Variants in MOV10L1 observed in about 807,000 individuals in gnomAD.
The protein encoded by MOV10L1 is Mov10 like RNA helicase 1, also known as RNA helicase Mov10l1.
In MOV10L1, 110 loss-of-function variants were observed where a neutral mutation model predicts 143.8. The ratio of observed to expected loss-of-function variants is 0.76; its 90% CI spans 0.66 to 0.90. The LOEUF is 0.90. Ranked by LOEUF, MOV10L1 falls within the 40% of genes least tolerant of loss-of-function variation. The pLI, the probability that MOV10L1 is intolerant of heterozygous loss-of-function variation, is 0.00. For missense variants in MOV10L1, 1,406 were observed against 1,526.8 expected (o/e 0.92, Z 1.32); for synonymous variants, 593 against 581.1 (o/e 1.02, Z -0.29).
In MOV10L1 at chr22:50,152,216, T is replaced by A. The variant is rs1430443154; in HGVS notation, c.2893-829T>A. 6.6e-6 allele frequency among the ~76,000 whole-genome samples: 1 copy of A among 152,198 alleles called. No individual in the cohort carries two copies. Among genetic ancestry groups the A allele is most frequent in the Non-Finnish European group, 1.5e-5 (1 of 68,026 alleles). On this transcript the variant is annotated intron_variant, in intron 21 of 26. Coordinates refer to ENST00000262794, the MANE Select transcript of MOV10L1 (RefSeq NM_018995.3). The surrounding 1 kb of genome is among the most constrained non-coding windows in gnomAD (Gnocchi z 4.4). ...ATCCCAAGGAGGGAGAGCCCTAGGC[T>A]TGTTCTCCCCAGCAGTGTCTCCCCG...
intron 9 of MOV10L1, among the ~76,000 whole-genome samples, chr22:50,117,709 G>A (rs1398456784): frequency 6.6e-6 from 1 of 152,098 alleles, no homozygotes; most frequent in Non-Finnish European, 1.5e-5. Flanking sequence ...GGTGTGTAGT[G>A]CACGGCATCC....
At position 50,125,544 on chromosome 22, in the gene MOV10L1, C is replaced by A. The variant is rs771472103; in HGVS notation, c.1722C>A (p.Ala574=). The part of the protein sequence containing the change: ...DLLVLEVPGL[A]EGRPSLYAGD... ...TGGTTCTGGAGGTCCCAGGGTTGGCCGAAGGGAGGCCTTCTCTCTACGCAG... is the reference window on the plus strand; with the variant it reads ...TGGTTCTGGAGGTCCCAGGGTTGGCAGAAGGGAGGCCTTCTCTCTACGCAG... Residue 574 remains alanine, a synonymous_variant, in exon 11 of 27, where the codon GCC becomes GCA. Coordinates refer to ENST00000262794, the MANE Select transcript of MOV10L1 (RefSeq NM_018995.3). 1 of 1,614,040 alleles carries A rather than the reference C, an allele frequency of 6.2e-7. No homozygotes were observed. Among genetic ancestry groups the A allele is most frequent in the South Asian group, 1.1e-5 (1 of 91,060 alleles).
chr22:50,117,327 C>T lies in MOV10L1; in HGVS notation c.1430C>T (p.Thr477Ile). Residue 477 changes from threonine to isoleucine, a missense_variant, in exon 9 of 27, where the codon ACA becomes ATA. Physicochemically the swap from Thr to Ile is moderately conservative, Grantham distance 89 (BLOSUM62 -1). Around this residue, in one of 3 missense-constraint regions of MOV10L1, gnomAD observed 1,233 missense variants for 1,351.4 expected, o/e 0.91. Coordinates refer to ENST00000262794, the MANE Select transcript of MOV10L1 (RefSeq NM_018995.3). ...SSQALTSAKT[T>I]VVVTAQKRNS... The stretch of plus-strand genomic sequence containing the variant: ...CAAGCGTTAACATCCGCAAAAACTA[C>T]AGTTGTTGTGACCGCACAGAAAAGG... 1.2e-6 allele frequency: 2 copies of T among 1,613,932 alleles called. No individual in the cohort carries two copies. The highest frequency in any genetic ancestry group is 1.7e-6 in the Non-Finnish European group (2 of 1,179,976).
chr22:50,126,364 G>A, intron 12 of MOV10L1, 92 bp downstream of exon 12: 1 of 834,538 alleles, frequency 1.2e-6, no homozygotes, highest in Non-Finnish European at 1.9e-6. Context: ...TTGGGGAGAT[G>A]CTCCCATATG....
intron 9 of MOV10L1, among the ~76,000 whole-genome samples, chr22:50,117,777 G>C (rs1253443442): frequency 2.6e-5 from 4 of 152,184 alleles, no homozygotes; most frequent in Non-Finnish European, 4.4e-5. Flanking sequence ...CCTGTTTGAA[G>C]ATGTGGTACC....
At chr22:50,133,927 TA>T in intron 13 of MOV10L1, 79 bp from the exon 14 acceptor site, 1 of 1,186,022 alleles carries the variant, frequency 8.4e-7, no homozygotes, top group Non-Finnish European at 1.2e-6. Flanking sequence ...GATTGTATCA[TA>T]AAATTTTCAT....
intron 13 of MOV10L1, among the ~76,000 whole-genome samples, chr22:50,130,282 A>G (rs1367374049): frequency 6.6e-6 from 1 of 152,038 alleles, no homozygotes; most frequent in Admixed American, 6.6e-5. Context: ...CAAAAAATAA[A>G]TAAATAAATA....
intron 15 of MOV10L1, among the ~76,000 whole-genome samples, chr22:50,135,579 C>T (rs1000646213): frequency 6.6e-6 from 1 of 151,544 alleles, no homozygotes; most frequent in Admixed American, 6.6e-5. Flanking sequence ...GGTGAAACCC[C>T]ATCTCTACTA....
chr22:50,092,468 CA>C (rs377542274), intron 2 of MOV10L1, among the ~76,000 whole-genome samples: 7 of 147,274 alleles, frequency 4.8e-5, no homozygotes, highest in Admixed American at 1.4e-4. Context: ...CTCGTGTCTA[CA>C]AAAAAAAAAC....
chr22:50,161,032 T>G lies in MOV10L1; in HGVS notation c.3531T>G (p.Pro1177=). The G allele has an allele frequency of 1.9e-6, 3 of 1,614,152 alleles. No individual in the cohort carries two copies. In the South Asian group the frequency reaches 3.3e-5, roughly 18 times the overall value. ...GTGTTTACATGGGATGCGATTTACC[T>G]CCTGCACTGCAGTCTCTGCAAAAGT... The part of the protein sequence containing the change: ...TNGVYMGCDL[P]PALQSLQNCG... Residue 1177 remains proline (P), a synonymous_variant, in exon 26 of 27, where the codon CCT becomes CCG. Transcript: ENST00000262794.
chr22:50,090,439 G>A, intron 1 of MOV10L1: 1 of 1,601,024 alleles, frequency 6.2e-7, no homozygotes, highest in Non-Finnish European at 8.5e-7. Context: ...CCCTCACTTT[G>A]TGTGTTTACG....
At chr22:50,115,407 A>G (rs2062145496) in intron 8 of MOV10L1, among the ~76,000 whole-genome samples, 161 bp downstream of exon 8, 1 of 152,144 alleles carries the variant, frequency 6.6e-6, no homozygotes, top group East Asian at 1.9e-4. Flanking sequence ...TCTACTAAAA[A>G]TACAAAAATT....
Position 50,108,192 on chromosome 22 carries a change from A to T in MOV10L1, c.499A>T (p.Thr167Ser). 6.2e-7 allele frequency: 1 copy of T among 1,614,082 alleles called. No homozygotes were observed. The highest frequency in any genetic ancestry group is 1.3e-5 in the African/African-American group (1 of 75,026). ...VEAEYRIRPG[T>S]WSSEATSVKP... ...GGCTGAGTACCGGATCCGGCCTGGC[A>T]CGTGGAGCAGCGAAGCCACCTCAGT... Residue 167 changes from threonine (T) to serine (S), a missense_variant, in exon 4 of 27, where the codon ACG (threonine) becomes TCG (serine). This residue lies in a region of MOV10L1 where 1,233 missense variants were observed against 1,351.4 expected (regional missense o/e 0.91). Coordinates refer to ENST00000262794, the MANE Select transcript of MOV10L1 (RefSeq NM_018995.3).
intron 9 of MOV10L1, among the ~76,000 whole-genome samples, chr22:50,119,831 GA>G (rs1701753785): frequency 6.6e-6 from 1 of 151,618 alleles, no homozygotes; most frequent in Non-Finnish European, 1.5e-5. Flanking sequence ...CTGAAATGGA[GA>G]GCTGGGAGGG....
intron 18 of MOV10L1, among the ~76,000 whole-genome samples, chr22:50,144,597 T>G (rs913003027): frequency 6.6e-6 from 1 of 152,162 alleles, no homozygotes; most frequent in Non-Finnish European, 1.5e-5. Flanking sequence ...GTTTTTTTTT[T>G]TTGAGACGGA....
intron 1 of MOV10L1, chr22:50,090,643 G>C (rs13054036): frequency 2.3e-5 from 27 of 1,175,052 alleles, no homozygotes; most frequent in Non-Finnish European, 3.1e-5. Flanking sequence ...GGATGCGCCC[G>C]GATGCCCTCA....
At chr22:50,124,077 C>G (rs939610400) in intron 10 of MOV10L1, among the ~76,000 whole-genome samples, 1 of 152,114 alleles carries the variant, frequency 6.6e-6, no homozygotes, top group Admixed American at 6.5e-5. Context: ...TTTTGGAGAA[C>G]CAACTTTTTG....
intron 2 of MOV10L1, chr22:50,093,529 G>A (rs1416390010): frequency 6.6e-6 from 1 of 150,668 alleles, no homozygotes; most frequent in African/African-American, 2.4e-5. Flanking sequence ...CAATTTTTGA[G>A]ACAGAGCTTT....
chr22:50,144,528 C>T (rs1189070364), intron 18 of MOV10L1, among the ~76,000 whole-genome samples: 1 of 152,160 alleles, frequency 6.6e-6, no homozygotes, highest in Non-Finnish European at 1.5e-5. Context: ...AATCCCCAAA[C>T]GTCTTGTTAC....
Sources: allele counts gnomAD v4.1 joint callset (sites outside exome capture counted in the v4.1 genomes callset), GRCh38; gene constraint gnomAD v4.1.1; regional missense constraint gnomAD v4.1.1; non-coding constraint Gnocchi (gnomAD v3.1); transcripts MANE v1.5; gene names NCBI Gene and HGNC (gene_info 2026-07-23, HGNC 2026-07-21).